PSD3: variants seen among roughly 807,000 people sequenced by gnomAD.
PSD3 encodes PH and SEC7 domain-containing protein 3.
Under a neutral mutation model 105.5 loss-of-function variants are expected in PSD3, and 49 were observed. The observed-to-expected ratio is 0.46, with a 90% CI of 0.37 to 0.59. PSD3 has a LOEUF of 0.59. PSD3 is among the 20% of genes least tolerant of loss of function. PSD3 has a pLI of 0.00. For missense variants in PSD3, 1,561 were observed against 1,263.8 expected (o/e 1.24, Z -3.57); for synonymous variants, 557 against 457.8 (o/e 1.22, Z -2.77).
intron 7 of PSD3, among the ~76,000 whole-genome samples, chr8:18,799,835 C>A (rs1347748357): frequency 6.6e-6 from 1 of 152,154 alleles, no homozygotes; most frequent in Non-Finnish European, 1.5e-5. Context: ...TAGTTGTTCT[C>A]GTTACTCTCA....
intron 1 of PSD3, among the ~76,000 whole-genome samples, chr8:19,055,625 G>C (rs1171370928): frequency 6.6e-6 from 1 of 152,170 alleles, no homozygotes; most frequent in East Asian, 1.9e-4. Flanking sequence ...TGGTTTTTAA[G>C]GTCAAGATAC....
intron 2 of PSD3, among the ~76,000 whole-genome samples, chr8:18,914,251 CAACATAATA>C (rs1820435700): frequency 6.6e-6 from 1 of 151,312 alleles, no homozygotes; most frequent in South Asian, 2.1e-4. Flanking sequence ...GAATGTACCT[CAACATAATA>C]AAGACCCTAT....
At chr8:18,949,244 A>AATATATATAT in intron 1 of PSD3, among the ~76,000 whole-genome samples, 48 of 14,398 alleles carry the variant, frequency 3.3e-3, no homozygotes, top group Non-Finnish European at 6.1e-3. Context: ...AAAAAAAAAA[A>AATATATATAT]ATATATATAT....
At chr8:18,959,658 C>A (rs1823792295) in intron 1 of PSD3, among the ~76,000 whole-genome samples, 1 of 152,138 alleles carries the variant, frequency 6.6e-6, no homozygotes, top group Non-Finnish European at 1.5e-5. Flanking sequence ...CAAGACATTA[C>A]TTTTATTACT....
At position 18,835,007 on chromosome 8, in the gene PSD3, A is replaced by G. The variant is rs151031790; in HGVS notation, c.1635-30109T>C. Among the ~76,000 whole-genome samples, 515 of 152,344 alleles carry G rather than the reference A, an allele frequency of 3.4e-3. 4 individuals are homozygous for G. The highest frequency in any genetic ancestry group is 0.011 in the African/African-American group (473 of 41,572). ...CATCCATGTCAAAGACATACAAATT[A>G]AGGTATTCAGATAGCTTTTTCAGCC... On this transcript the variant is annotated intron_variant, in intron 4 of 15. Coordinates refer to ENST00000327040, the MANE Select transcript of PSD3 (RefSeq NM_015310.4).
intron 1 of PSD3, among the ~76,000 whole-genome samples, chr8:19,037,893 A>G (rs769576215): frequency 1.3e-5 from 2 of 150,300 alleles, no homozygotes; most frequent in Non-Finnish European, 3.0e-5. Flanking sequence ...AAATCTCTCT[A>G]CATATATTTA....
intron 2 of PSD3, among the ~76,000 whole-genome samples, chr8:18,929,275 T>C (rs73666756): frequency 0.015 from 2,216 of 148,072 alleles, 53 homozygotes; most frequent in African/African-American, 0.051. Context: ...AGTATAACCA[T>C]AGACAAAATA....
At chr8:18,918,129 G>A (rs1025066510) in intron 2 of PSD3, among the ~76,000 whole-genome samples, 1 of 152,130 alleles carries the variant, frequency 6.6e-6, no homozygotes, top group Non-Finnish European at 1.5e-5. Context: ...AGCATGGCAC[G>A]TAAGACCATT....
At chr8:18,657,247 A>C (rs1253110265) in intron 9 of PSD3, among the ~76,000 whole-genome samples, 1 of 143,178 alleles carries the variant, frequency 7.0e-6, no homozygotes, top group African/African-American at 2.5e-5. Flanking sequence ...GTGTGTAAGC[A>C]AACAATGCAC....
intron 1 of PSD3, among the ~76,000 whole-genome samples, chr8:19,026,575 C>T (rs1186607246): frequency 6.6e-6 from 1 of 151,784 alleles, no homozygotes; most frequent in African/African-American, 2.4e-5. Context: ...TAAATATTCA[C>T]TAAAGGAGAC....
At chr8:19,078,435 A>AT (rs1215701867) in intron 1 of PSD3, among the ~76,000 whole-genome samples, 1 of 152,106 alleles carries the variant, frequency 6.6e-6, no homozygotes, top group Non-Finnish European at 1.5e-5. Flanking sequence ...AAAATGTTAA[A>AT]TTGGAGAGAG....
intron 1 of PSD3, among the ~76,000 whole-genome samples, chr8:18,937,055 A>G (rs1194207103): frequency 6.6e-6 from 1 of 152,208 alleles, no homozygotes; most frequent in Non-Finnish European, 1.5e-5. Flanking sequence ...TGAAACAAGA[A>G]CTACAAAGGT....
chr8:18,804,851 C>T lies in PSD3; in HGVS notation c.1682G>A (p.Gly561Glu). ...CTCCTTTTCCAAAATTTCAGTGCTC[C>T]CCATTTCAGAATGAGCTTCTAGCCG... ...TTRLEAHSEM[G>E]STEILEKETP... The change falls in exon 5 of 16, where the codon GGG (glycine) becomes GAG (glutamate). Residue 561 changes from glycine (G) to glutamate (E), a missense_variant. Gly to Glu is a moderately conservative substitution (Grantham distance 98). Transcript: ENST00000327040. The T allele has an allele frequency of 6.2e-7, 1 of 1,613,152 alleles. No individual in the cohort carries two copies. Among genetic ancestry groups the T allele is most frequent in the South Asian group, 1.1e-5 (1 of 91,062 alleles).
intron 1 of PSD3, among the ~76,000 whole-genome samples, chr8:19,041,992 T>A (rs1215164332): frequency 6.6e-6 from 1 of 152,164 alleles, no homozygotes; most frequent in Admixed American, 6.5e-5. Context: ...TTTTTCATAA[T>A]TCAGAGTTTT....
chr8:18,806,366 C>T (rs778184163), intron 4 of PSD3, among the ~76,000 whole-genome samples: 8 of 152,194 alleles, frequency 5.3e-5, no homozygotes, highest in Admixed American at 2.0e-4. Context: ...ACAGGCAACA[C>T]GTTGAGAACT....
chr8:18,715,304 C>T (rs1045972432), intron 9 of PSD3, among the ~76,000 whole-genome samples: 9 of 152,156 alleles, frequency 5.9e-5, no homozygotes, highest in Non-Finnish European at 1.3e-4. Context: ...TCACAAACCA[C>T]TAAATTAACA....
chr8:18,633,600 T>C (rs1807050332), intron 10 of PSD3, among the ~76,000 whole-genome samples: 1 of 152,140 alleles, frequency 6.6e-6, no homozygotes, highest in Non-Finnish European at 1.5e-5. Flanking sequence ...TCAACCTTTT[T>C]CTATGGTTGC....
intron 12 of PSD3, among the ~76,000 whole-genome samples, chr8:18,591,962 G>C (rs1330718926): frequency 3.3e-5 from 5 of 152,142 alleles, no homozygotes; most frequent in Non-Finnish European, 2.9e-5. Flanking sequence ...TAGCAAGCCA[G>C]TCTCTATACT....
At position 18,672,164 on chromosome 8, in the gene PSD3, G is replaced by A. The variant is rs116059305; in HGVS notation, c.2173-16479C>T. ...TGTACCATAATAAAAAATGCAATTT[G>A]AGAACATAGGAAAACATAAATTTAA... On this transcript the variant is annotated intron_variant, in intron 9 of 15. Coordinates refer to ENST00000327040, the MANE Select transcript of PSD3 (RefSeq NM_015310.4). 7.1e-3 allele frequency among the ~76,000 whole-genome samples: 1,074 copies of A among 152,206 alleles called. 12 individuals carry two copies. Among genetic ancestry groups the A allele is most frequent in the African/African-American group, 0.024 (996 of 41,532 alleles).
Sources: allele counts gnomAD v4.1 joint callset (sites outside exome capture counted in the v4.1 genomes callset), GRCh38; gene constraint gnomAD v4.1.1; transcripts MANE v1.5; gene names NCBI Gene and HGNC (gene_info 2026-07-23, HGNC 2026-07-21).